Variants in TDRD3 observed in about 807,000 individuals in gnomAD.
TDRD3 encodes the protein tudor domain-containing protein 3.
Under a neutral mutation model 86.7 loss-of-function variants are expected in TDRD3, and 45 were observed. The ratio of observed to expected loss-of-function variants is 0.52; its 90% CI spans 0.41 to 0.67. The LOEUF (loss-of-function observed/expected upper bound fraction) is 0.67, where lower values mean the gene tolerates loss of function less well. Ranked by LOEUF, TDRD3 falls within the 30% of genes least tolerant of loss-of-function variation. The pLI is 0.00. For synonymous variants in TDRD3, 298 were observed against 301.7 expected (o/e 0.99, Z 0.13); for missense variants, 814 against 889.0 (o/e 0.92, Z 1.07).
chr13:60,443,625 G>A lies in TDRD3; in HGVS notation c.127-1058G>A, dbSNP rs111970800. On this transcript the variant is annotated intron_variant, in intron 2 of 13. Transcript: ENST00000377881. Reference sequence around the variant, plus strand: ...TTATGGTAGGTGTTAAAAGAAGATGGTCCTGCCCCTCTGTATGTATTCATT... The same window carrying A: ...TTATGGTAGGTGTTAAAAGAAGATGATCCTGCCCCTCTGTATGTATTCATT... Among the ~76,000 whole-genome samples, 513 of 151,992 alleles carry A rather than the reference G, an allele frequency of 3.4e-3. 4 individuals carry two copies. Among genetic ancestry groups the A allele is most frequent in the African/African-American group, 0.012 (489 of 41,524 alleles).
intron 8 of TDRD3, among the ~76,000 whole-genome samples, chr13:60,496,343 A>ATATG (rs1339973715): frequency 1.1e-5 from 1 of 91,560 alleles, no homozygotes; most frequent in Admixed American, 1.2e-4. Context: ...ATATATATAT[A>ATATG]TCCTCTAAAG....
At chr13:60,472,111 C>T (rs1040000372) in intron 5 of TDRD3, among the ~76,000 whole-genome samples, 14 of 152,086 alleles carry the variant, frequency 9.2e-5, no homozygotes, top group Non-Finnish European at 2.1e-4. Flanking sequence ...GCTTCCTCTG[C>T]GTCAATTGAG....
At chr13:60,397,464 G>A (rs1428898911) in intron 1 of TDRD3, 59 bp downstream of exon 1, 49 of 1,402,964 alleles carry the variant, frequency 3.5e-5, no homozygotes, top group East Asian at 2.6e-4. Context: ...CCCCAGGGAG[G>A]TTGGGTTGGG....
intron 1 of TDRD3, among the ~76,000 whole-genome samples, chr13:60,425,910 A>G (rs1366406875): frequency 3.9e-5 from 6 of 152,192 alleles, no homozygotes; most frequent in African/African-American, 1.4e-4. Context: ...TACATTATAC[A>G]TATACAAAAT....
intron 10 of TDRD3, among the ~76,000 whole-genome samples, chr13:60,518,660 G>T (rs992987169): frequency 3.9e-5 from 6 of 152,188 alleles, no homozygotes. Flanking sequence ...GCCTAGGTAT[G>T]TGCGAGTTCT....
At chr13:60,424,795 C>T (rs1228591380) in intron 1 of TDRD3, among the ~76,000 whole-genome samples, 3 of 152,188 alleles carry the variant, frequency 2.0e-5, no homozygotes, top group Admixed American at 2.0e-4. Flanking sequence ...TGGCATCATT[C>T]CCCTTTCCTC....
At chr13:60,444,499 A>T (rs1227468497) in intron 2 of TDRD3, among the ~76,000 whole-genome samples, 184 bp from the exon 3 acceptor site, 1 of 151,938 alleles carries the variant, frequency 6.6e-6, no homozygotes, top group Non-Finnish European at 1.5e-5. Context: ...TTACTGGTAT[A>T]CTTTAAACAA....
chr13:60,565,041 C>CT (rs869194148), intron 12 of TDRD3, among the ~76,000 whole-genome samples: 6,956 of 70,770 alleles, frequency 0.098, 1,491 homozygotes, highest in Non-Finnish European at 0.11. Flanking sequence ...CTATCAGTAT[C>CT]TTTTTTTTTT....
chr13:60,475,723 T>A (rs1490835231), intron 5 of TDRD3, among the ~76,000 whole-genome samples: 1 of 152,250 alleles, frequency 6.6e-6, no homozygotes, highest in Non-Finnish European at 1.5e-5. Context: ...TTTTGACTTT[T>A]TAATAATAGC....
chr13:60,559,009 C>T (rs1396890709), intron 12 of TDRD3, among the ~76,000 whole-genome samples: 2 of 148,680 alleles, frequency 1.3e-5, no homozygotes, highest in Non-Finnish European at 3.0e-5. Context: ...AGAATACCCT[C>T]ACAATAAGCT....
intron 2 of TDRD3, 130 bp from the exon 3 acceptor site, chr13:60,444,553 A>G (rs988613801): frequency 9.6e-6 from 5 of 523,408 alleles, no homozygotes; most frequent in Non-Finnish European, 1.7e-5. Flanking sequence ...TAATACATGT[A>G]GATCTCATGA....
intron 1 of TDRD3, among the ~76,000 whole-genome samples, chr13:60,400,475 G>T (rs1355368463): frequency 6.6e-6 from 1 of 152,198 alleles, no homozygotes; most frequent in Non-Finnish European, 1.5e-5. Context: ...GGGCGCAGTG[G>T]TGGCTCATGC....
At chr13:60,461,022 AAAAAT>A (rs1300064773) in intron 4 of TDRD3, 1 of 151,840 alleles carries the variant, frequency 6.6e-6, no homozygotes, top group Non-Finnish European at 1.5e-5. Flanking sequence ...TATATAAAAT[AAAAAT>A]AAATTAAAAA....
rs774091877 is a variant in TDRD3 at position 60,567,631 on chromosome 13, C to T, written c.2225C>T (p.Ala742Val). Residue 742 changes from alanine (A) to valine (V), a missense_variant, in exon 13 of 14, where the codon GCT (alanine) becomes GTT (valine). Physicochemically the swap from Ala to Val is moderately conservative, Grantham distance 64 (BLOSUM62 0). Transcript: ENST00000377881. Reference sequence around the variant, plus strand: ...CAACAGTTTTACCAACCACCCCGGGCTCGGAACTAATAGGAAAAGGTAAAC... The same window carrying T: ...CAACAGTTTTACCAACCACCCCGGGTTCGGAACTAATAGGAAAAGGTAAAC... ...PTQQFYQPPRARN is the reference protein window; with the variant it reads ...PTQQFYQPPRVRN 1 of 1,614,066 alleles carries T rather than the reference C, an allele frequency of 6.2e-7. No individual in the cohort carries two copies.
At chr13:60,404,585 C>G (rs1482774491) in intron 1 of TDRD3, among the ~76,000 whole-genome samples, 1 of 151,722 alleles carries the variant, frequency 6.6e-6, no homozygotes, top group Non-Finnish European at 1.5e-5. Flanking sequence ...GCTGGGATTA[C>G]AGGCGTGAGC....
At chr13:60,484,409 G>C in intron 6 of TDRD3, among the ~76,000 whole-genome samples, 1 of 152,060 alleles carries the variant, frequency 6.6e-6, no homozygotes, top group Admixed American at 6.6e-5. Flanking sequence ...AAAATTTAGC[G>C]GTTGGTAATC....
chr13:60,415,710 A>G (rs1272872565), intron 1 of TDRD3, among the ~76,000 whole-genome samples: 3 of 152,180 alleles, frequency 2.0e-5, no homozygotes, highest in Non-Finnish European at 4.4e-5. Context: ...AGCTTTGTAC[A>G]GATGCCTTGA....
intron 10 of TDRD3, among the ~76,000 whole-genome samples, chr13:60,519,325 C>T (rs1032218351): frequency 1.3e-5 from 2 of 151,910 alleles, no homozygotes; most frequent in Middle Eastern, 3.2e-3. Flanking sequence ...ATATTATTTC[C>T]GTTTGACAGA....
At chr13:60,454,477 A>G (rs1336327854) in intron 3 of TDRD3, among the ~76,000 whole-genome samples, 1 of 151,758 alleles carries the variant, frequency 6.6e-6, no homozygotes, top group East Asian at 1.9e-4. Flanking sequence ...ATTTTTCTTG[A>G]TCTTTCTCTG....
Sources: gnomAD v4.1 joint callset for allele counts (sites outside exome capture counted in the v4.1 genomes callset) on GRCh38, gnomAD v4.1.1 for gene constraint, MANE v1.5 for transcripts, NCBI Gene and HGNC (gene_info 2026-07-23, HGNC 2026-07-21) for gene names.